GRIA4: variants seen among roughly 807,000 people sequenced by gnomAD.
GRIA4 encodes the protein glutamate receptor 4.
Under a neutral mutation model 104.0 loss-of-function variants are expected in GRIA4, and 34 were observed. That is an observed-to-expected ratio of 0.33 (90% CI 0.25 to 0.44). GRIA4 has a LOEUF of 0.44. Ranked by LOEUF, GRIA4 falls within the 20% of genes least tolerant of loss-of-function variation. GRIA4 has a pLI of 1.00. For synonymous variants in GRIA4, 386 were observed against 381.9 expected, an observed-to-expected ratio of 1.01 and a Z score of -0.13; for missense variants, 750 against 1,096.5, an observed-to-expected ratio of 0.68 and a Z score of 4.46.
intron 4 of GRIA4, among the ~76,000 whole-genome samples, chr11:105,855,994 C>T (rs1944995621): frequency 6.6e-6 from 1 of 152,064 alleles, no homozygotes; most frequent in Non-Finnish European, 1.5e-5. Flanking sequence ...AGTAGAATGA[C>T]CACCAGTAGA....
At chr11:105,680,005 G>A (rs956636714) in intron 3 of GRIA4, among the ~76,000 whole-genome samples, 11 of 152,080 alleles carry the variant, frequency 7.2e-5, no homozygotes, top group Non-Finnish European at 1.0e-4. Context: ...ACCCCCATTT[G>A]GAGTAGCAGT....
chr11:105,969,089 C>A (rs1054433605), intron 14 of GRIA4, among the ~76,000 whole-genome samples: 1 of 152,032 alleles, frequency 6.6e-6, no homozygotes, highest in African/African-American at 2.4e-5. Context: ...GTTATTATAC[C>A]AAATAATGCT....
intron 3 of GRIA4, among the ~76,000 whole-genome samples, chr11:105,668,675 G>GTT (rs368844903): frequency 0.37 from 44,496 of 120,930 alleles, 7,771 homozygotes; most frequent in South Asian, 0.43. Flanking sequence ...ATTATCTTTT[G>GTT]TCTTTTTTTT....
chr11:105,912,298 A>G, intron 10 of GRIA4: 1 of 974,558 alleles, frequency 1.0e-6, no homozygotes, highest in African/African-American at 1.8e-5. Flanking sequence ...GTTTTCTTTA[A>G]AGATCTCTTG....
intron 3 of GRIA4, among the ~76,000 whole-genome samples, chr11:105,627,490 C>T (rs1298454589): frequency 6.6e-6 from 1 of 152,148 alleles, no homozygotes; most frequent in Non-Finnish European, 1.5e-5. Context: ...CTTCTAATAG[C>T]ACGGTTCATC....
chr11:105,833,604 C>T (rs1944062579), intron 4 of GRIA4, among the ~76,000 whole-genome samples: 1 of 151,896 alleles, frequency 6.6e-6, no homozygotes, highest in Non-Finnish European at 1.5e-5. Flanking sequence ...AACTGATGAA[C>T]TTCAAATAAA....
intron 2 of GRIA4, 38 bp from the exon 3 acceptor site, chr11:105,612,238 G>A: frequency 1.2e-6 from 2 of 1,604,044 alleles, no homozygotes; most frequent in Non-Finnish European, 1.7e-6. Flanking sequence ...GTTGACAAGA[G>A]GAAACAGTGA....
intron 3 of GRIA4, among the ~76,000 whole-genome samples, chr11:105,691,930 C>T (rs1372289785): frequency 1.0e-5 from 1 of 98,688 alleles, no homozygotes. Flanking sequence ...AGCAAAACTC[C>T]GTCTCAAAAA....
chr11:105,610,102 A>C lies in GRIA4; in HGVS notation c.-417A>C, dbSNP rs1014389963. On this transcript the variant is annotated 5_prime_UTR_variant, in exon 1 of 17. Transcript: ENST00000282499. The stretch of plus-strand genomic sequence containing the variant: ...GCAGAAGAGGGCTAGGCTGAGAGGG[A>C]AGCCAGGACTGTAGGAGAGGGAGGC... 2 of 152,474 alleles carry C rather than the reference A, an allele frequency of 1.3e-5. No homozygotes were observed. Among genetic ancestry groups the C allele is most frequent in the Non-Finnish European group, 2.9e-5 (2 of 68,284 alleles). The allele number at this position is 152,474 out of a possible 1,614,324, so 9.4% of individuals were successfully genotyped here.
chr11:105,762,543 G>T (rs1940712402), intron 4 of GRIA4, among the ~76,000 whole-genome samples: 1 of 152,078 alleles, frequency 6.6e-6, no homozygotes, highest in Admixed American at 6.6e-5. Flanking sequence ...GTGTTTTGAG[G>T]ATTTTTTTGT....
At chr11:105,704,151 C>T (rs1375584385) in intron 3 of GRIA4, among the ~76,000 whole-genome samples, 1 of 151,990 alleles carries the variant, frequency 6.6e-6, no homozygotes, top group Non-Finnish European at 1.5e-5. Context: ...AAAGAAATGG[C>T]CCATTCTCCC....
intron 14 of GRIA4, among the ~76,000 whole-genome samples, chr11:105,941,280 T>C (rs1181203881): frequency 3.9e-5 from 6 of 152,222 alleles, no homozygotes; most frequent in Non-Finnish European, 7.4e-5. Context: ...ACAAATTTCA[T>C]ACTTCATGAA....
rs181806137 is a variant in GRIA4, at chr11:105,743,668, A to G, written c.248-9313A>G. On this transcript the variant is annotated intron_variant, in intron 3 of 16. Transcript: ENST00000282499. ...AGACACCTGGGACCTCAAACTCAAC[A>G]TGTCCAAAATGGAATCCAGTGTTTT... Among the ~76,000 whole-genome samples, 21 of 152,254 alleles carry G rather than the reference A, an allele frequency of 1.4e-4. No individual in the cohort carries two copies. In the South Asian group the frequency reaches 2.1e-3, roughly 15 times the overall value.
intron 6 of GRIA4, among the ~76,000 whole-genome samples, chr11:105,894,640 G>GA (rs929939607): frequency 6.6e-6 from 1 of 151,802 alleles, no homozygotes; most frequent in African/African-American, 2.4e-5. Context: ...CACTATAAAA[G>GA]AAAAAGGAGG....
At chr11:105,821,431 G>T (rs1024210661) in intron 4 of GRIA4, among the ~76,000 whole-genome samples, 3 of 152,010 alleles carry the variant, frequency 2.0e-5, no homozygotes, top group Non-Finnish European at 4.4e-5. Flanking sequence ...TGTACAGGAA[G>T]CATAGTCCTG....
chr11:105,638,176 A>C (rs1272732505), intron 3 of GRIA4, among the ~76,000 whole-genome samples: 1 of 152,154 alleles, frequency 6.6e-6, no homozygotes, highest in African/African-American at 2.4e-5. Flanking sequence ...TCCCCCAAAG[A>C]AATCCCAAAG....
chr11:105,781,240 C>T (rs1941712876), intron 4 of GRIA4, among the ~76,000 whole-genome samples: 1 of 152,096 alleles, frequency 6.6e-6, no homozygotes, highest in Non-Finnish European at 1.5e-5. Context: ...TACATGTTTT[C>T]CCCCAGGACC....
chr11:105,957,310 G>GT (rs1948616824), intron 14 of GRIA4, among the ~76,000 whole-genome samples: 1 of 152,152 alleles, frequency 6.6e-6, no homozygotes, highest in Admixed American at 6.5e-5. Flanking sequence ...AAGGGATCCA[G>GT]TTTCAGCTTT....
At chr11:105,622,322 A>C (rs1950768669) in intron 3 of GRIA4, among the ~76,000 whole-genome samples, 1 of 151,594 alleles carries the variant, frequency 6.6e-6, no homozygotes, top group African/African-American at 2.4e-5. Flanking sequence ...TCTGGAATTT[A>C]TTTTCTTACA....
Sources: gnomAD v4.1 joint callset for allele counts (sites outside exome capture counted in the v4.1 genomes callset) on GRCh38, gnomAD v4.1.1 for gene constraint, MANE v1.5 for transcripts, NCBI Gene and HGNC (gene_info 2026-07-23, HGNC 2026-07-21) for gene names.